Variants in PDS5B observed in about 807,000 individuals in gnomAD.
PDS5B encodes PDS5 cohesin associated factor B, also known as sister chromatid cohesion protein PDS5 homolog B.
In PDS5B, 51 loss-of-function variants were observed where a neutral mutation model predicts 184.1. The ratio of observed to expected loss-of-function variants is 0.28; its 90% CI spans 0.22 to 0.35. The LOEUF (loss-of-function observed/expected upper bound fraction) is 0.35. Among genes scored for constraint, PDS5B ranks in the 10% least tolerant of loss-of-function variants. The probability of loss-of-function intolerance (pLI) is 1.00; values close to 1 mark genes in which losing one functional copy is unlikely to be tolerated. For missense variants in PDS5B, 1,180 were observed against 1,723.3 expected (o/e 0.68, Z 5.58); for synonymous variants, 566 against 569.2 (o/e 0.99, Z 0.08).
rs1333159345 is a variant in PDS5B, at chr13:32,659,098, GA to G, written c.498-55del. 5.2e-6 allele frequency: 7 copies of G among 1,344,572 alleles called. No homozygotes were observed. The African/African-American group carries it at 8.7e-5, about 17-fold the overall frequency. The allele number at this position is 1,344,572 out of a possible 1,614,324, so 83.3% of individuals were successfully genotyped here. On this transcript the variant is annotated intron_variant, in intron 5 of 34. Coordinates refer to ENST00000315596, the MANE Select transcript of PDS5B (RefSeq NM_015032.4). The stretch of plus-strand genomic sequence containing the variant: ...ATAATGCTTGTCAGTGTCATCTTAA[GA>G]GTAAATCCTGTATATCTCAGTTGTA...
chr13:32,589,696 G>GT (rs928180878), intron 1 of PDS5B, among the ~76,000 whole-genome samples: 1 of 152,084 alleles, frequency 6.6e-6, no homozygotes, highest in African/African-American at 2.4e-5. Context: ...TACAATAGGC[G>GT]TTTTACTTGG....
In PDS5B at chr13:32,615,601, C is replaced by T. The variant is rs1053382857; in HGVS notation, c.-20+29008C>T. Among the ~76,000 whole-genome samples, 32 of 152,120 alleles carry T rather than the reference C, an allele frequency of 2.1e-4. 1 individual carries two copies. Among genetic ancestry groups the T allele is most frequent in the Non-Finnish European group, 5.9e-5 (4 of 68,014 alleles). On this transcript the variant is annotated intron_variant, in intron 1 of 34. Transcript: ENST00000315596. ...AATGAGTGAAGAGAAAGTCTGTACC[C>T]TTTAGAGACACTTATTGAACTTCTA... is the stretch of plus-strand genomic sequence containing the variant.
chr13:32,643,370 T>G (rs1446808968), intron 1 of PDS5B, among the ~76,000 whole-genome samples: 1 of 152,158 alleles, frequency 6.6e-6, no homozygotes, highest in Non-Finnish European at 1.5e-5. Flanking sequence ...TGCCTTTATA[T>G]TTAAGTTGTT....
In PDS5B at chr13:32,770,164, C is replaced by G. The variant is rs1954731394; in HGVS notation, c.3668C>G (p.Thr1223Arg). ...KPRGRKKTPV[T>R]EQEEKLGMDD... is the part of the protein sequence containing the mutation. ...AGAGGCAGGAAAAAAACGCCCGTCA[C>G]AGAACAGGAGGAGAAATTAGGTATG... The change falls in exon 32 of 35, where the codon ACA (threonine) becomes AGA (arginine). Residue 1223 changes from threonine (T) to arginine (R), a missense_variant. This residue lies in a region of PDS5B where 465 missense variants were observed against 497.8 expected (regional missense o/e 0.93). Coordinates refer to ENST00000315596, the MANE Select transcript of PDS5B (RefSeq NM_015032.4). The G allele has an allele frequency of 1.9e-6, 3 of 1,613,068 alleles. No homozygotes were observed. Among genetic ancestry groups the G allele is most frequent in the Non-Finnish European group, 2.5e-6 (3 of 1,179,800 alleles).
chr13:32,727,496 G>A (rs916572251), intron 19 of PDS5B, among the ~76,000 whole-genome samples: 5 of 151,222 alleles, frequency 3.3e-5, no homozygotes, highest in African/African-American at 9.7e-5. Flanking sequence ...TCTCTTTATA[G>A]TGAATTTTAT....
At chr13:32,670,903 AT>A (rs1950919038) in intron 7 of PDS5B, among the ~76,000 whole-genome samples, 1 of 152,238 alleles carries the variant, frequency 6.6e-6, no homozygotes, top group Non-Finnish European at 1.5e-5. Context: ...AAAATTAGCC[AT>A]GTAAATGTAA....
intron 31 of PDS5B, among the ~76,000 whole-genome samples, chr13:32,765,577 T>C (rs1460384397): frequency 6.6e-6 from 1 of 152,162 alleles, no homozygotes; most frequent in Non-Finnish European, 1.5e-5. Context: ...TTTATTTCCA[T>C]TTAGAAAGAA....
rs1223075803 is a variant in PDS5B, at chr13:32,775,871, A to G, written c.*819A>G. Reference sequence around the variant, plus strand: ...TTTATCATCCTTTCAGTTTTTATTAATCTACTGTATCAATAAAATTCTGTA... The same window carrying G: ...TTTATCATCCTTTCAGTTTTTATTAGTCTACTGTATCAATAAAATTCTGTA... On this transcript the variant is annotated 3_prime_UTR_variant, in exon 35 of 35. Transcript: ENST00000315596. The G allele has an allele frequency of 1.0e-5, 3 of 292,038 alleles. No homozygotes were observed. The highest frequency in any genetic ancestry group is 4.5e-5 in the African/African-American group (2 of 44,630). The allele number at this position is 292,038 out of a possible 1,614,324, so 18.1% of individuals were successfully genotyped here. A position where few individuals can be genotyped will look rare whatever the true frequency, so the allele number is the denominator to read the frequency against.
At chr13:32,654,449 A>T (rs923175872) in intron 3 of PDS5B, among the ~76,000 whole-genome samples, 2 of 152,204 alleles carry the variant, frequency 1.3e-5, no homozygotes, top group Non-Finnish European at 2.9e-5. Context: ...TCTTTCAGCA[A>T]TCCAGGAAGG....
At chr13:32,611,251 C>T (rs2058137168) in intron 1 of PDS5B, among the ~76,000 whole-genome samples, 1 of 152,084 alleles carries the variant, frequency 6.6e-6, no homozygotes, top group African/African-American at 2.4e-5. Context: ...CATTTTCATT[C>T]ACTGATTTGT....
At chr13:32,722,006 G>A (rs1353890641) in intron 19 of PDS5B, among the ~76,000 whole-genome samples, 3 of 152,170 alleles carry the variant, frequency 2.0e-5, no homozygotes, top group East Asian at 1.9e-4. Flanking sequence ...CAAGGCAGGC[G>A]GCTGGGAGGT....
At chr13:32,762,017 TATCTCG>T (rs1954422406) in intron 30 of PDS5B, among the ~76,000 whole-genome samples, 1 of 152,232 alleles carries the variant, frequency 6.6e-6, no homozygotes, top group East Asian at 1.9e-4. Context: ...TGTGAGACGG[TATCTCG>T]TTGTAGTTTT....
At chr13:32,612,168 C>T (rs1362830903) in intron 1 of PDS5B, among the ~76,000 whole-genome samples, 1 of 151,912 alleles carries the variant, frequency 6.6e-6, no homozygotes, top group African/African-American at 2.4e-5. Flanking sequence ...TATTCAGACA[C>T]CTGGAATCTT....
chr13:32,661,256 C>T (rs971566960), intron 6 of PDS5B, among the ~76,000 whole-genome samples: 7 of 151,428 alleles, frequency 4.6e-5, no homozygotes, highest in African/African-American at 1.5e-4. Context: ...TGGCAGCATG[C>T]GCTTATAATC....
chr13:32,735,318 C>T lies in PDS5B; in HGVS notation c.2394C>T (p.Leu798=), dbSNP rs774452351. The T allele has an allele frequency of 3.7e-6, 6 of 1,605,530 alleles. No individual in the cohort carries two copies. In the African/African-American group the frequency reaches 5.4e-5, roughly 14 times the overall value. ...LVATFIVKDL[L]MNDRLPGKKT... is the part of the protein sequence containing the mutation. ...CTACTTTCATTGTGAAAGATCTTCT[C>T]ATGAATGATCGGGTAATTTATATTT... Residue 798 remains leucine, a synonymous_variant, in exon 21 of 35, where the codon CTC becomes CTT. Coordinates refer to ENST00000315596, the MANE Select transcript of PDS5B (RefSeq NM_015032.4).
intron 24 of PDS5B, among the ~76,000 whole-genome samples, chr13:32,750,982 A>C (rs1283500721): frequency 6.6e-6 from 1 of 152,124 alleles, no homozygotes; most frequent in African/African-American, 2.4e-5. Context: ...TTCATCACAC[A>C]GGTGATAAGC....
At chr13:32,594,131 AAAAT>A (rs1235704036) in intron 1 of PDS5B, among the ~76,000 whole-genome samples, 2 of 152,230 alleles carry the variant, frequency 1.3e-5, no homozygotes, top group African/African-American at 4.8e-5. Context: ...AAAAAGCATA[AAAAT>A]AAAACCCCCG....
rs367753049 is a variant in PDS5B at position 32,772,099 on chromosome 13, A to G, written c.4173-1090A>G. ...TCTGACCTCAGTGAAATTGAAAAAG[A>G]TTGTCATTATGTTTCATGTTATTTC... On this transcript the variant is annotated intron_variant, in intron 33 of 34. Coordinates refer to ENST00000315596, the MANE Select transcript of PDS5B (RefSeq NM_015032.4). 5.3e-5 allele frequency among the ~76,000 whole-genome samples: 8 copies of G among 152,200 alleles called. No homozygotes were observed. The South Asian group carries it at 1.7e-3, about 32-fold the overall frequency.
chr13:32,663,396 A>G (rs1229421511), intron 6 of PDS5B, among the ~76,000 whole-genome samples: 1 of 152,088 alleles, frequency 6.6e-6, no homozygotes, highest in East Asian at 1.9e-4. Flanking sequence ...TTAAAATACT[A>G]TTGATAATCA....
Sources: gnomAD v4.1 joint callset for allele counts (sites outside exome capture counted in the v4.1 genomes callset) on GRCh38, gnomAD v4.1.1 for gene constraint, gnomAD v4.1.1 regional missense constraint, MANE v1.5 for transcripts, NCBI Gene and HGNC (gene_info 2026-07-23, HGNC 2026-07-21) for gene names.